Variants in NUP155 observed in about 807,000 individuals in gnomAD.
NUP155 encodes the protein nuclear pore complex protein Nup155.
NUP155 carries 71 observed loss-of-function variants against 180.4 expected under a neutral mutation model. The observed-to-expected ratio is 0.39, with a 90% confidence interval of 0.33 to 0.48. The LOEUF is 0.48. Among genes scored for constraint, NUP155 ranks in the 20% least tolerant of loss-of-function variants. NUP155 has a pLI of 0.91. For missense variants in NUP155, 1,553 were observed against 1,648.9 expected (o/e 0.94, Z 1.01); for synonymous variants, 582 against 559.5 (o/e 1.04, Z -0.57).
intron 1 of NUP155, among the ~76,000 whole-genome samples, chr5:37,364,989 C>G (rs535693711): frequency 6.6e-6 from 1 of 151,778 alleles, no homozygotes; most frequent in African/African-American, 2.4e-5. Context: ...AGTGGCTGGG[C>G]GCAGTGGCTC....
intron 4 of NUP155, among the ~76,000 whole-genome samples, chr5:37,355,225 T>G (rs954885903): frequency 6.6e-6 from 1 of 152,034 alleles, no homozygotes; most frequent in African/African-American, 2.4e-5. Context: ...AAAAGGTACA[T>G]TTGGCTGCAC....
At chr5:37,322,710 A>G (rs1744328596) in intron 20 of NUP155, among the ~76,000 whole-genome samples, 1 of 151,412 alleles carries the variant, frequency 6.6e-6, no homozygotes, top group African/African-American at 2.4e-5. Flanking sequence ...CTGTCTCAAA[A>G]AAAAAAAAAA....
chr5:37,357,714 C>A lies in NUP155; in HGVS notation c.463+367G>T, dbSNP rs534467216. Among the ~76,000 whole-genome samples the A allele has an allele frequency of 3.3e-5, 5 of 152,290 alleles. No individual in the cohort carries two copies. The South Asian group carries it at 1.0e-3, about 32-fold the overall frequency. On this transcript the variant is annotated intron_variant, in intron 4 of 34. Coordinates refer to ENST00000231498, the MANE Select transcript of NUP155 (RefSeq NM_153485.3). ...ATTGTTTAAAAAAGGGTGTTGTCAGCCAGGCGCGGTGGCTTACATCTGTAA... is the reference window on the plus strand; with the variant it reads ...ATTGTTTAAAAAAGGGTGTTGTCAGACAGGCGCGGTGGCTTACATCTGTAA...
rs925477171 is a variant in NUP155 at position 37,324,124 on chromosome 5, T to C, written c.2092-17A>G. On this transcript the variant is annotated splice_polypyrimidine_tract_variant and intron_variant, in intron 19 of 34. Transcript: ENST00000231498. Reference sequence around the variant, plus strand: ...ACTTTCAATCTGTAAAAATGAAAGATTTTTCAAAAGTTTAAAAACACACCC... The same window carrying C: ...ACTTTCAATCTGTAAAAATGAAAGACTTTTCAAAAGTTTAAAAACACACCC... 2 of 1,556,190 alleles carry C rather than the reference T, an allele frequency of 1.3e-6. No individual in the cohort carries two copies. The highest frequency in any genetic ancestry group is 1.8e-6 in the Non-Finnish European group (2 of 1,127,604).
At chr5:37,341,742 G>T (rs932302903) in intron 10 of NUP155, among the ~76,000 whole-genome samples, 1 of 152,002 alleles carries the variant, frequency 6.6e-6, no homozygotes, top group Non-Finnish European at 1.5e-5. Context: ...GGGTTTCACC[G>T]TGTTAGCCAG....
rs1247410318 is a variant in NUP155, at chr5:37,309,110, G to T, written c.2767+19C>A. 6.2e-7 allele frequency: 1 copy of T among 1,611,218 alleles called. No individual in the cohort carries two copies. The highest frequency in any genetic ancestry group is 1.7e-5 in the Admixed American group (1 of 59,994). On this transcript the variant is annotated intron_variant, in intron 24 of 34. Coordinates refer to ENST00000231498, the MANE Select transcript of NUP155 (RefSeq NM_153485.3). ...CTTTTGAGTTGAGTAAAAGATACAA[G>T]AAACATTTTATTTCTCACCTTGTCT...
chr5:37,313,359 A>G (rs1743644034), intron 22 of NUP155, among the ~76,000 whole-genome samples: 1 of 150,638 alleles, frequency 6.6e-6, no homozygotes, highest in African/African-American at 2.4e-5. Context: ...AGAACCCGGG[A>G]GGTGGAGGTT....
chr5:37,334,551 T>C (rs1023080248), intron 12 of NUP155, among the ~76,000 whole-genome samples: 2 of 152,022 alleles, frequency 1.3e-5, no homozygotes, highest in Non-Finnish European at 1.5e-5. Flanking sequence ...CGGCTAATTT[T>C]TGTATTGTTA....
intron 4 of NUP155, among the ~76,000 whole-genome samples, chr5:37,354,215 C>T (rs1746658650): frequency 2.7e-5 from 4 of 146,228 alleles, no homozygotes; most frequent in Non-Finnish European, 6.1e-5. Context: ...GGCTCGATCT[C>T]GGCTCACTAT....
chr5:37,355,408 T>C (rs1746748649), intron 4 of NUP155, among the ~76,000 whole-genome samples: 1 of 151,526 alleles, frequency 6.6e-6, no homozygotes, highest in South Asian at 2.1e-4. Context: ...CTCAGGAGCC[T>C]GAGGCAGGAG....
At chr5:37,323,306 T>G (rs1320150971) in intron 20 of NUP155, among the ~76,000 whole-genome samples, 1 of 152,042 alleles carries the variant, frequency 6.6e-6, no homozygotes, top group Non-Finnish European at 1.5e-5. Context: ...ACACAAAAAC[T>G]TGTACAGGAA....
intron 1 of NUP155, among the ~76,000 whole-genome samples, chr5:37,369,887 G>A (rs143958895): frequency 5.4e-4 from 82 of 152,246 alleles, no homozygotes; most frequent in Middle Eastern, 3.4e-3. Flanking sequence ...AATTCCATAA[G>A]CCGTGGGGAG....
At position 37,295,429 on chromosome 5, in the gene NUP155, T is replaced by C. The variant is rs527422249; in HGVS notation, c.3794-964A>G. On this transcript the variant is annotated intron_variant, in intron 32 of 34. Coordinates refer to ENST00000231498, the MANE Select transcript of NUP155 (RefSeq NM_153485.3). ...CACCTCCCAGCAGCCTGCCTTGGCC[T>C]CCCAAAGTGCCGAGATTGCAGCCTC... Among the ~76,000 whole-genome samples, 196 of 152,126 alleles carry C rather than the reference T, an allele frequency of 1.3e-3. 4 individuals carry two copies. The South Asian group carries it at 0.04, about 31-fold the overall frequency.
chr5:37,318,136 A>G, intron 20 of NUP155, 51 bp from the exon 21 acceptor site: 2 of 971,474 alleles, frequency 2.1e-6, no homozygotes, highest in South Asian at 1.3e-5. Context: ...TTATTGAGAT[A>G]TAACACATAC....
Position 37,310,693 on chromosome 5 carries a change from C to T in NUP155, c.2487G>A (p.Arg829=), listed in dbSNP as rs1743474536. ...KITTFKDLVI[R]DKELTGALIA... ...TTAATGCCCCTGTGAGTTCTTTGTC[C>T]CTGATTACAAGATCTTTAAAGGTGG... Residue 829 remains arginine (R), a synonymous_variant, in exon 23 of 35, where the codon AGG becomes AGA. Coordinates refer to ENST00000231498, the MANE Select transcript of NUP155 (RefSeq NM_153485.3). The T allele has an allele frequency of 6.2e-7, 1 of 1,613,740 alleles. No individual in the cohort carries two copies.
In NUP155 at chr5:37,330,118, A is replaced by G. The variant is rs1317933570; in HGVS notation, c.1644T>C (p.Cys548=). 5.0e-6 allele frequency: 8 copies of G among 1,612,468 alleles called. No individual in the cohort carries two copies. The Admixed American group carries it at 1.0e-4, about 20-fold the overall frequency. The part of the protein sequence containing the change: ...FFKLHQEDQA[C]ATCLILACST... ...AGCAAGCAAGAATAAGGCAAGTTGC[A>G]CAAGCCTGGTCTTCCTGTGTAAAAA... The change falls in exon 15 of 35, where the codon TGT becomes TGC. Residue 548 remains cysteine, a synonymous_variant. Coordinates refer to ENST00000231498, the MANE Select transcript of NUP155 (RefSeq NM_153485.3).
intron 9 of NUP155, 76 bp downstream of exon 9, chr5:37,348,429 A>AT: frequency 1.1e-6 from 1 of 924,780 alleles, no homozygotes. Flanking sequence ...GGAATAATAT[A>AT]TACTTTTAGA....
chr5:37,291,705 AATT>A lies in NUP155; in HGVS notation c.*192_*194del. 2.1e-6 allele frequency: 1 copy of A among 480,296 alleles called. No individual in the cohort carries two copies. Among genetic ancestry groups the A allele is most frequent in the South Asian group, 3.4e-5 (1 of 29,410 alleles). 29.8% of individuals were successfully genotyped at this position (480,296 alleles called of 1,614,324 possible). Reference sequence around the variant, plus strand: ...TCTCATTTCAGTTGTTTTTTCACCCAATTACTAAAAAACAAAATAGTCATAAAA... The same window carrying A: ...TCTCATTTCAGTTGTTTTTTCACCCAACTAAAAAACAAAATAGTCATAAAA... On this transcript the variant is annotated 3_prime_UTR_variant, in exon 35 of 35. Coordinates refer to ENST00000231498, the MANE Select transcript of NUP155 (RefSeq NM_153485.3).
chr5:37,305,582 T>C (rs1341984415), intron 25 of NUP155, among the ~76,000 whole-genome samples: 2 of 151,956 alleles, frequency 1.3e-5, no homozygotes, highest in Admixed American at 6.6e-5. Flanking sequence ...TTCAGGTGAG[T>C]GAGGCACAAG....
Sources: allele counts gnomAD v4.1 joint callset (sites outside exome capture counted in the v4.1 genomes callset), GRCh38; gene constraint gnomAD v4.1.1; transcripts MANE v1.5; gene names NCBI Gene and HGNC (gene_info 2026-07-23, HGNC 2026-07-21).